ETV1: variants seen among roughly 807,000 people sequenced by gnomAD.
ETV1 encodes ETS variant transcription factor 1.
Under a neutral mutation model 62.3 loss-of-function variants are expected in ETV1, and 27 were observed. The ratio of observed to expected loss-of-function variants is 0.43; its 90% CI spans 0.32 to 0.60. The LOEUF is 0.60. Ranked by LOEUF, ETV1 falls within the 20% of genes least tolerant of loss-of-function variation. The pLI, the probability that ETV1 is intolerant of heterozygous loss-of-function variation, is 0.06. For synonymous variants in ETV1, 222 were observed against 199.6 expected, an observed-to-expected ratio of 1.11 and a Z score of -0.94; for missense variants, 605 against 605.8, an observed-to-expected ratio of 1.00 and a Z score of 0.01.
At chr7:13,954,390 T>A (rs887253083) in intron 6 of ETV1, among the ~76,000 whole-genome samples, 6 of 152,168 alleles carry the variant, frequency 3.9e-5, no homozygotes, top group Admixed American at 1.3e-4. Context: ...GTACATGGCT[T>A]ACAAAGTGGA....
At chr7:13,901,040 G>T (rs1178991880) in intron 12 of ETV1, among the ~76,000 whole-genome samples, 6 of 143,052 alleles carry the variant, frequency 4.2e-5, no homozygotes, top group South Asian at 2.2e-4. Context: ...GTCTTGCTCT[G>T]TCACCCAGGC....
intron 7 of ETV1, among the ~76,000 whole-genome samples, chr7:13,937,705 AC>A (rs1786970482): frequency 6.6e-6 from 1 of 152,208 alleles, no homozygotes; most frequent in Admixed American, 6.5e-5. Flanking sequence ...CAAAAACAAA[AC>A]TAAACTATAA....
rs140549537 is a variant in ETV1, at chr7:13,897,511, T to C, written c.1213-1424A>G. ...GTTTGAAAGAATGAACATTTAGTAG[T>C]TTTTATGAATTTGGACCTGTTTCTT... On this transcript the variant is annotated intron_variant, in intron 13 of 13. Transcript: ENST00000430479. Among the ~76,000 whole-genome samples, 10 of 152,250 alleles carry C rather than the reference T, an allele frequency of 6.6e-5. No homozygotes were observed. In the East Asian group the frequency reaches 1.9e-3, roughly 29 times the overall value.
At chr7:13,987,482 A>T (rs938710040) in intron 4 of ETV1, among the ~76,000 whole-genome samples, 3 of 152,194 alleles carry the variant, frequency 2.0e-5, no homozygotes, top group South Asian at 4.1e-4. Context: ...TCCTAGCAAC[A>T]GTTCATAAAA....
At chr7:13,928,529 G>A (rs753229273) in intron 9 of ETV1, among the ~76,000 whole-genome samples, 13 of 152,238 alleles carry the variant, frequency 8.5e-5, no homozygotes, top group Non-Finnish European at 1.3e-4. Context: ...GAGGAGAATC[G>A]CTTGAACCTG....
At chr7:13,951,047 G>GCCACAGTC (rs1252822615) in intron 6 of ETV1, among the ~76,000 whole-genome samples, 18 of 151,736 alleles carry the variant, frequency 1.2e-4, no homozygotes, top group Non-Finnish European at 2.2e-4. Flanking sequence ...TTTCCTATAT[G>GCCACAGTC]CCACAGTCCC....
At chr7:13,899,958 A>G (rs56020035) in intron 13 of ETV1, among the ~76,000 whole-genome samples, 58,552 of 152,064 alleles carry the variant, frequency 0.39, 11,518 homozygotes, top group South Asian at 0.4. Context: ...GCGAAACGCC[A>G]TCTCTTCTAA....
Position 13,931,725 on chromosome 7 carries a change from G to A in ETV1, c.579C>T (p.Pro193=). 2 of 1,614,026 alleles carry A rather than the reference G, an allele frequency of 1.2e-6. No homozygotes were observed. Among genetic ancestry groups the A allele is most frequent in the South Asian group, 1.1e-5 (1 of 91,076 alleles). ...TCGGCAAAGGAGGAAAGGAGTTACA[G>A]GGTTCAGAAAGCTGGCGGCGAAATC... ...DHRFRRQLSE[P]CNSFPPLPTM... Residue 193 remains proline (P), a synonymous_variant, in exon 9 of 14, where the codon CCC becomes CCT. Transcript: ENST00000430479.
In ETV1 at chr7:13,894,259, A is replaced by G. The variant is rs1274131481; in HGVS notation, c.*1607T>C. On this transcript the variant is annotated 3_prime_UTR_variant, in exon 14 of 14. Coordinates refer to ENST00000430479, the MANE Select transcript of ETV1 (RefSeq NM_004956.5). Reference sequence around the variant, plus strand: ...TTCATGTCCCTTGCTTGAATCTTTTAGCGAGCTATTCAGAGATTCTATATC... The same window carrying G: ...TTCATGTCCCTTGCTTGAATCTTTTGGCGAGCTATTCAGAGATTCTATATC... The G allele has an allele frequency of 8.7e-6, 2 of 230,596 alleles. No homozygotes were observed. Among genetic ancestry groups the G allele is most frequent in the Non-Finnish European group, 1.7e-5 (2 of 117,460 alleles). The allele number at this position is 230,596 out of a possible 1,614,324, so 14.3% of individuals were successfully genotyped here. A position where few individuals can be genotyped will look rare whatever the true frequency, so the allele number is the denominator to read the frequency against.
chr7:13,938,460 A>T (rs993073270), intron 7 of ETV1, among the ~76,000 whole-genome samples: 3 of 150,284 alleles, frequency 2.0e-5, no homozygotes, highest in Non-Finnish European at 1.5e-5. Context: ...GAGTGATAAT[A>T]CTCAGTAGAG....
chr7:13,977,012 A>G (rs1387520412), intron 6 of ETV1, among the ~76,000 whole-genome samples: 1 of 152,338 alleles, frequency 6.6e-6, no homozygotes. Context: ...TATAAATTAT[A>G]CAATAACTAA....
intron 12 of ETV1, among the ~76,000 whole-genome samples, chr7:13,905,875 A>G (rs559164484): frequency 7.4e-4 from 112 of 152,310 alleles, no homozygotes; most frequent in Non-Finnish European, 6.3e-4. Flanking sequence ...TGTAAGAGAC[A>G]CTTAAGGGCT....
rs185783917 is a variant in ETV1, at chr7:13,919,615, T to C, written c.803-8308A>G. Reference sequence around the variant, plus strand: ...ACACACACACACAAAATAAGAACAATAACCATCTATTTAATCTGATAAAAA... The same window carrying C: ...ACACACACACACAAAATAAGAACAACAACCATCTATTTAATCTGATAAAAA... On this transcript the variant is annotated intron_variant, in intron 9 of 13. Coordinates refer to ENST00000430479, the MANE Select transcript of ETV1 (RefSeq NM_004956.5). Among the ~76,000 whole-genome samples, 347 of 134,842 alleles carry C rather than the reference T, an allele frequency of 2.6e-3. 3 individuals are homozygous for C. The highest frequency in any genetic ancestry group is 9.4e-3 in the African/African-American group (332 of 35,324). The allele number at this position is 134,842 out of a possible 152,430, so 88.5% of individuals were successfully genotyped here.
At position 13,986,696 on chromosome 7, in the gene ETV1, A is replaced by G. The variant is rs1583913586; in HGVS notation, c.134-11T>C. 1 of 1,600,892 alleles carries G rather than the reference A, an allele frequency of 6.2e-7. No individual in the cohort carries two copies. The highest frequency in any genetic ancestry group is 2.2e-5 in the East Asian group (1 of 44,672). On this transcript the variant is annotated splice_polypyrimidine_tract_variant and intron_variant, in intron 4 of 13. Transcript: ENST00000430479. ...GATCTTGAAAGAGTTCTAAAAAACA[A>G]GTCAAAGACATAAACATAAGATTTG...
At chr7:13,931,848 C>G (rs1022655247) in intron 8 of ETV1, 99 bp from the exon 9 acceptor site, 17 of 1,398,128 alleles carry the variant, frequency 1.2e-5, no homozygotes, top group Non-Finnish European at 1.5e-5. Flanking sequence ...GAACATGATA[C>G]CAGCTGACCT....
intron 6 of ETV1, among the ~76,000 whole-genome samples, chr7:13,950,291 C>T (rs958626371): frequency 2.0e-5 from 3 of 151,980 alleles, no homozygotes; most frequent in African/African-American, 7.3e-5. Context: ...TCTTCCTGGG[C>T]AGTTCAAAAA....
chr7:13,895,914 T>C lies in ETV1; in HGVS notation c.1386A>G (p.Glu462=). 1 of 1,613,818 alleles carries C rather than the reference T, an allele frequency of 6.2e-7. No homozygotes were observed. The change falls in exon 14 of 14, where the codon GAA becomes GAG. Residue 462 remains glutamate, a synonymous_variant. Transcript: ENST00000430479. ...AGGGGTGGGGGTTGCAGCAGCCCCC[T>C]TCCGGCATGTAGGCCATGCTCTCAT... ...HFDESMAYMP[E]GGCCNPHPYN...
At chr7:13,970,263 A>AACACAC (rs71033966) in intron 6 of ETV1, among the ~76,000 whole-genome samples, 1,705 of 126,290 alleles carry the variant, frequency 0.014, 23 homozygotes, top group Middle Eastern at 0.023. Context: ...CCCATCTCAA[A>AACACAC]ACACACACAC....
chr7:13,900,541 T>C (rs1424069454), intron 13 of ETV1, 197 bp downstream of exon 13: 2 of 509,040 alleles, frequency 3.9e-6, no homozygotes, highest in African/African-American at 2.0e-5. Context: ...CTGTATACAA[T>C]ATCACTACAC....
Sources: allele counts gnomAD v4.1 joint callset (sites outside exome capture counted in the v4.1 genomes callset), GRCh38; gene constraint gnomAD v4.1.1; transcripts MANE v1.5; gene names NCBI Gene and HGNC (gene_info 2026-07-23, HGNC 2026-07-21).